NYAP2: variants seen among roughly 807,000 people sequenced by gnomAD.
The protein encoded by NYAP2 is neuronal tyrosine-phosphorylated phosphoinositide-3-kinase adaptor 2.
Under a neutral mutation model 50.4 loss-of-function variants are expected in NYAP2, and 23 were observed. The ratio of observed to expected loss-of-function variants is 0.46; its 90% CI spans 0.33 to 0.65. The LOEUF (loss-of-function observed/expected upper bound fraction) is 0.65, where lower values mean the gene tolerates loss of function less well. NYAP2 is among the 30% of genes least tolerant of loss of function. The pLI, the probability that NYAP2 is intolerant of heterozygous loss-of-function variation, is 0.02. For missense variants in NYAP2, 885 were observed against 861.0 expected (o/e 1.03, Z -0.35); for synonymous variants, 394 against 365.2 (o/e 1.08, Z -0.90).
At chr2:225,478,264 A>G (rs1303760864) in intron 3 of NYAP2, among the ~76,000 whole-genome samples, 1 of 152,152 alleles carries the variant, frequency 6.6e-6, no homozygotes, top group Non-Finnish European at 1.5e-5. Context: ...GAGGATGAAG[A>G]GTCGGGGATG....
chr2:225,417,476 T>C (rs1237741442), intron 3 of NYAP2, among the ~76,000 whole-genome samples: 1 of 152,020 alleles, frequency 6.6e-6, no homozygotes, highest in Non-Finnish European at 1.5e-5. Context: ...AATATTCATG[T>C]CCATACTGGA....
the NYAP2 span, chr2:225,701,489 T>C: frequency 6.6e-6 from 1 of 151,764 alleles, no homozygotes; most frequent in Non-Finnish European, 1.5e-5. Context: ...AGAGAAGATA[T>C]AAATTTCTTT....
intron 3 of NYAP2, among the ~76,000 whole-genome samples, chr2:225,453,102 T>C (rs13393228): frequency 0.29 from 44,032 of 152,122 alleles, 7,905 homozygotes; most frequent in Non-Finnish European, 0.38. Flanking sequence ...CAACTCAGTA[T>C]GTCTTCTGTC....
chr2:225,638,028 G>A (rs1693452249), intron 6 of NYAP2, among the ~76,000 whole-genome samples: 1 of 152,160 alleles, frequency 6.6e-6, no homozygotes, highest in South Asian at 2.1e-4. Flanking sequence ...TCTAGCCTAG[G>A]AAAGTGGTTA....
intron 4 of NYAP2, among the ~76,000 whole-genome samples, chr2:225,554,720 T>TACAAAGG (rs1691746373): frequency 6.6e-6 from 1 of 152,050 alleles, no homozygotes; most frequent in Admixed American, 6.6e-5. Flanking sequence ...GGTCAAAGGA[T>TACAAAGG]ATGATCTAAT....
At chr2:225,449,513 T>C (rs1032108714) in intron 3 of NYAP2, among the ~76,000 whole-genome samples, 5 of 152,200 alleles carry the variant, frequency 3.3e-5, no homozygotes, top group Admixed American at 1.3e-4. Flanking sequence ...AAAATCTGGA[T>C]TGATTCTTTT....
intron 3 of NYAP2, among the ~76,000 whole-genome samples, chr2:225,422,036 T>C (rs910379443): frequency 6.6e-5 from 10 of 152,256 alleles, no homozygotes; most frequent in African/African-American, 2.4e-4. Flanking sequence ...TTTTTCTGGT[T>C]TCCTGTCTTT....
intron 3 of NYAP2, among the ~76,000 whole-genome samples, chr2:225,448,195 G>C (rs1158825019): frequency 2.0e-5 from 3 of 152,190 alleles, no homozygotes; most frequent in Admixed American, 2.0e-4. Flanking sequence ...GGGCCAAGTG[G>C]AGGAGTTGGA....
chr2:225,666,330 A>G, the NYAP2 span, among the ~76,000 whole-genome samples: 1 of 152,160 alleles, frequency 6.6e-6, no homozygotes, highest in African/African-American at 2.4e-5. Context: ...CAAACTCTGT[A>G]AAATATTTGA....
chr2:225,588,083 C>T (rs1365426974), intron 5 of NYAP2, among the ~76,000 whole-genome samples: 1 of 151,982 alleles, frequency 6.6e-6, no homozygotes, highest in Non-Finnish European at 1.5e-5. Flanking sequence ...CACCACCACA[C>T]CTGGCTAATA....
At chr2:225,695,608 G>GGGA in the NYAP2 span, among the ~76,000 whole-genome samples, 2 of 151,406 alleles carry the variant, frequency 1.3e-5, no homozygotes, top group Non-Finnish European at 3.0e-5. Context: ...CCTGTCCTCT[G>GGGA]GGAATTCTGT....
At position 225,539,839 on chromosome 2, in the gene NYAP2, A is replaced by G. The variant is rs144795846; in HGVS notation, c.523+26167A>G. Among the ~76,000 whole-genome samples the G allele has an allele frequency of 8.1e-3, 1,235 of 152,190 alleles. 23 individuals carry two copies. The highest frequency in any genetic ancestry group is 0.028 in the African/African-American group (1,160 of 41,522). On this transcript the variant is annotated intron_variant, in intron 4 of 6. Coordinates refer to ENST00000636099, the Ensembl canonical transcript of NYAP2. ...CAGGCTGCAAATTTTCCAAACTTTTATGCTCTGCTTCCCTTATAAAATGGA... is the reference window on the plus strand; with the variant it reads ...CAGGCTGCAAATTTTCCAAACTTTTGTGCTCTGCTTCCCTTATAAAATGGA...
chr2:225,505,079 C>T (rs1054515898), intron 3 of NYAP2, among the ~76,000 whole-genome samples: 5 of 151,170 alleles, frequency 3.3e-5, no homozygotes, highest in African/African-American at 1.2e-4. Context: ...AAACTGAGTC[C>T]TTTCTCTTCA....
intron 4 of NYAP2, among the ~76,000 whole-genome samples, chr2:225,535,148 A>G (rs1292559638): frequency 1.3e-5 from 2 of 152,222 alleles, no homozygotes; most frequent in Non-Finnish European, 2.9e-5. Flanking sequence ...GCAGCTGAGC[A>G]TGGAGAAGCC....
chr2:225,563,458 G>A (rs984635602), intron 4 of NYAP2, among the ~76,000 whole-genome samples: 1 of 152,132 alleles, frequency 6.6e-6, no homozygotes, highest in African/African-American at 2.4e-5. Context: ...AGTTATCAAA[G>A]GGGTGAGCAT....
intron 6 of NYAP2, among the ~76,000 whole-genome samples, chr2:225,645,272 A>T (rs1006101158): frequency 6.6e-6 from 1 of 152,032 alleles, no homozygotes; most frequent in East Asian, 1.9e-4. Context: ...AAAAAAGCTA[A>T]CTAATAAATT....
chr2:225,644,413 T>C (rs1693591482), intron 6 of NYAP2, among the ~76,000 whole-genome samples: 1 of 151,460 alleles, frequency 6.6e-6, no homozygotes, highest in Admixed American at 6.6e-5. Flanking sequence ...CTGATGGTAG[T>C]TTCTTTTGCT....
At chr2:225,684,393 T>C in the NYAP2 span, among the ~76,000 whole-genome samples, 2 of 150,500 alleles carry the variant, frequency 1.3e-5, no homozygotes, top group Non-Finnish European at 3.0e-5. Flanking sequence ...TTGCTATGTT[T>C]CTTTCTCTCT....
In NYAP2 at chr2:225,484,287, T is replaced by G. The variant is rs147623807; in HGVS notation, c.222-29084T>G. 3.2e-3 allele frequency among the ~76,000 whole-genome samples: 487 copies of G among 152,294 alleles called. 3 individuals carry two copies. Among genetic ancestry groups the G allele is most frequent in the African/African-American group, 0.011 (462 of 41,570 alleles). ...AGAAGGATGGTGTTCCAACATGTAT[T>G]TTTTCAGTGTACACGTCCCAAATGA... On this transcript the variant is annotated intron_variant, in intron 3 of 6. Transcript: ENST00000636099.
Sources: allele counts gnomAD v4.1 joint callset (sites outside exome capture counted in the v4.1 genomes callset), GRCh38; gene constraint gnomAD v4.1.1; transcripts MANE v1.5; gene names NCBI Gene and HGNC (gene_info 2026-07-23, HGNC 2026-07-21).